Variants in BMPR1A observed in about 807,000 individuals in gnomAD.
BMPR1A encodes bone morphogenetic protein receptor type-1A.
Under a neutral mutation model 66.0 loss-of-function variants are expected in BMPR1A, and 7 were observed. That is an observed-to-expected ratio of 0.11 (90% CI 0.06 to 0.20). The LOEUF is 0.20. Among genes scored for constraint, BMPR1A ranks in the 10% least tolerant of loss-of-function variants. BMPR1A has a pLI of 1.00. For synonymous variants in BMPR1A, 200 were observed against 229.7 expected, an observed-to-expected ratio of 0.87 and a Z score of 1.17; for missense variants, 408 against 669.1, an observed-to-expected ratio of 0.61 and a Z score of 4.31.
chr10:86,789,934 A>C (rs1387635867), intron 1 of BMPR1A, among the ~76,000 whole-genome samples: 1 of 150,718 alleles, frequency 6.6e-6, no homozygotes, highest in African/African-American at 2.4e-5. Flanking sequence ...AGGAGGGCAG[A>C]TCATGAGGTC....
At chr10:86,889,269 T>C (rs1417016780) in intron 3 of BMPR1A, among the ~76,000 whole-genome samples, 1 of 152,192 alleles carries the variant, frequency 6.6e-6, no homozygotes, top group Non-Finnish European at 1.5e-5. Flanking sequence ...TTCTATAACC[T>C]TCAGTTTCTG....
At chr10:86,870,453 C>T (rs182726291) in intron 2 of BMPR1A, among the ~76,000 whole-genome samples, 15 of 152,212 alleles carry the variant, frequency 9.9e-5, no homozygotes, top group African/African-American at 3.6e-4. Context: ...GACAAGGTCT[C>T]GCTCTGTTGC....
chr10:86,871,506 A>G (rs894591124), intron 2 of BMPR1A, among the ~76,000 whole-genome samples: 13 of 152,182 alleles, frequency 8.5e-5, no homozygotes, highest in African/African-American at 3.1e-4. Context: ...ATTGGAAGGG[A>G]TAACGTAGAT....
At chr10:86,802,220 G>A (rs1471554006) in intron 1 of BMPR1A, among the ~76,000 whole-genome samples, 1 of 152,130 alleles carries the variant, frequency 6.6e-6, no homozygotes, top group Non-Finnish European at 1.5e-5. Flanking sequence ...CAGTCCAGAT[G>A]GTGGTGAGGG....
At chr10:86,931,298 C>CACACACATATATATATATATATAT, downstream of BMPR1A, 26 of 90,866 alleles carry the variant, frequency 2.9e-4, no homozygotes, top group East Asian at 1.8e-3. Flanking sequence ...CACACACACA[C>CACACACATATATATATATATATAT]ATATATATAT....
At chr10:86,833,316 CTT>C (rs1172102812) in intron 1 of BMPR1A, among the ~76,000 whole-genome samples, 1 of 152,048 alleles carries the variant, frequency 6.6e-6, no homozygotes, top group Non-Finnish European at 1.5e-5. Context: ...TGTTTATAAT[CTT>C]TTCATGAAGC....
chr10:86,834,459 A>G (rs554923753), intron 1 of BMPR1A, among the ~76,000 whole-genome samples: 2 of 152,234 alleles, frequency 1.3e-5, no homozygotes, highest in African/African-American at 4.8e-5. Context: ...ACATAGATAC[A>G]AGCTTAAACA....
chr10:86,920,801 C>T (rs1336117565), intron 10 of BMPR1A, among the ~76,000 whole-genome samples: 3 of 151,684 alleles, frequency 2.0e-5, no homozygotes, highest in Non-Finnish European at 2.9e-5. Context: ...TTCATATTCA[C>T]CACTTCTCAG....
intron 1 of BMPR1A, among the ~76,000 whole-genome samples, chr10:86,785,966 G>A (rs1841508458): frequency 6.6e-6 from 1 of 152,122 alleles, no homozygotes; most frequent in South Asian, 2.1e-4. Flanking sequence ...ATTTAGACCT[G>A]CTCCTTCTCA....
chr10:86,828,786 A>T (rs1213568388), intron 1 of BMPR1A, among the ~76,000 whole-genome samples: 1 of 98,940 alleles, frequency 1.0e-5, no homozygotes, highest in East Asian at 4.0e-4. Context: ...AGCTCTGTAT[A>T]AAAAAAAAAT....
At chr10:86,818,655 T>G (rs1842071533) in intron 1 of BMPR1A, among the ~76,000 whole-genome samples, 1 of 152,120 alleles carries the variant, frequency 6.6e-6, no homozygotes, top group African/African-American at 2.4e-5. Context: ...TAAGTACTAT[T>G]TATTATTGAA....
At chr10:86,799,928 CTT>C (rs1318941154) in intron 1 of BMPR1A, among the ~76,000 whole-genome samples, 1 of 152,024 alleles carries the variant, frequency 6.6e-6, no homozygotes, top group African/African-American at 2.4e-5. Context: ...TGTTGGTAGT[CTT>C]TTGAGTCTTT....
chr10:86,845,164 A>G (rs569458791), intron 2 of BMPR1A, among the ~76,000 whole-genome samples: 7 of 152,324 alleles, frequency 4.6e-5, no homozygotes, highest in Admixed American at 2.6e-4. Flanking sequence ...GCCTGAGAAA[A>G]AGACTTACTG....
intron 2 of BMPR1A, among the ~76,000 whole-genome samples, chr10:86,853,156 T>C (rs150461251): frequency 3.3e-5 from 5 of 152,130 alleles, no homozygotes; most frequent in African/African-American, 4.8e-5. Flanking sequence ...TAGAAAATTA[T>C]AACAATGAAA....
intron 2 of BMPR1A, among the ~76,000 whole-genome samples, chr10:86,873,849 T>G (rs926239710): frequency 1.3e-5 from 2 of 152,254 alleles, no homozygotes; most frequent in Non-Finnish European, 2.9e-5. Flanking sequence ...CTCAGCATTA[T>G]GTAATGGGAA....
rs4933409 is a variant in BMPR1A, at chr10:86,763,882, C to G, written c.-268+6963C>G. On this transcript the variant is annotated intron_variant, in intron 1 of 12. Transcript: ENST00000372037. The stretch of plus-strand genomic sequence containing the variant: ...GTTGGCTCACTGCAAGCTCTGCCTC[C>G]CGGGTTCACGCCATTCTCCTGCCTC... Among the ~76,000 whole-genome samples the G allele has an allele frequency of 0.053, 8,036 of 151,458 alleles. 345 individuals carry two copies. The highest frequency in any genetic ancestry group is 0.074 in the Non-Finnish European group (5,021 of 67,890).
At chr10:86,922,653 C>G (rs909838432) in intron 11 of BMPR1A, among the ~76,000 whole-genome samples, 1 of 152,200 alleles carries the variant, frequency 6.6e-6, no homozygotes, top group African/African-American at 2.4e-5. Context: ...GTGCTTCATT[C>G]CTCTTACTAG....
At chr10:86,832,722 C>G (rs1437271469) in intron 1 of BMPR1A, among the ~76,000 whole-genome samples, 1 of 152,160 alleles carries the variant, frequency 6.6e-6, no homozygotes, top group African/African-American at 2.4e-5. Flanking sequence ...CTTTGAGGCT[C>G]ATGTATGCTG....
intron 5 of BMPR1A, among the ~76,000 whole-genome samples, 179 bp from the exon 6 acceptor site, chr10:86,899,615 A>G (rs1843276383): frequency 6.6e-6 from 1 of 152,206 alleles, no homozygotes; most frequent in Non-Finnish European, 1.5e-5. Context: ...AAGAAAAGCC[A>G]TTTTGCAGTC....
Sources: allele counts gnomAD v4.1 joint callset (sites outside exome capture counted in the v4.1 genomes callset), GRCh38; gene constraint gnomAD v4.1.1; transcripts MANE v1.5; gene names NCBI Gene and HGNC (gene_info 2026-07-23, HGNC 2026-07-21).